CORIN: variants seen among roughly 807,000 people sequenced by gnomAD.
CORIN encodes corin, serine peptidase, also known as atrial natriuretic peptide-converting enzyme.
A neutral mutation model predicts 125.3 loss-of-function variants in CORIN; 117 were observed. That is an observed-to-expected ratio of 0.93 (90% CI 0.80 to 1.09). CORIN has a LOEUF of 1.09. Ranked by LOEUF, CORIN falls within the 50% of genes least tolerant of loss-of-function variation. CORIN has a pLI of 0.00. For synonymous variants in CORIN, 450 were observed against 466.4 expected (o/e 0.96, Z 0.45); for missense variants, 1,253 against 1,306.7 (o/e 0.96, Z 0.63).
chr4:47,637,288 T>C (rs1560483209), intron 16 of CORIN, among the ~76,000 whole-genome samples: 1 of 152,084 alleles, frequency 6.6e-6, no homozygotes, highest in Non-Finnish European at 1.5e-5. Context: ...GTTAGGAAAA[T>C]TTGCAGCGTG....
intron 5 of CORIN, among the ~76,000 whole-genome samples, chr4:47,741,716 T>C (rs1319539744): frequency 3.9e-5 from 6 of 152,024 alleles, no homozygotes; most frequent in Admixed American, 3.3e-4. Flanking sequence ...GGAGTATCAA[T>C]TGACAATAAA....
intron 4 of CORIN, among the ~76,000 whole-genome samples, chr4:47,752,367 C>T (rs1429942617): frequency 6.6e-6 from 1 of 152,142 alleles, no homozygotes; most frequent in Non-Finnish European, 1.5e-5. Flanking sequence ...TGTGCACAGT[C>T]AGCACTCCAT....
At chr4:47,717,268 A>G (rs1577857766) in intron 5 of CORIN, among the ~76,000 whole-genome samples, 1 of 152,140 alleles carries the variant, frequency 6.6e-6, no homozygotes, top group East Asian at 1.9e-4. Flanking sequence ...AATTTTACCA[A>G]TTGGTAAAAA....
intron 5 of CORIN, among the ~76,000 whole-genome samples, chr4:47,713,537 G>A (rs568155281): frequency 1.3e-5 from 2 of 152,256 alleles, no homozygotes; most frequent in African/African-American, 4.8e-5. Flanking sequence ...ATGCTCCAGG[G>A]TACTTTTGGT....
intron 3 of CORIN, among the ~76,000 whole-genome samples, chr4:47,784,940 A>C (rs1019585746): frequency 6.6e-6 from 1 of 152,196 alleles, no homozygotes; most frequent in Non-Finnish European, 1.5e-5. Context: ...TGGGTTGGAG[A>C]AATAGAATAA....
Position 47,763,584 on chromosome 4 carries a change from C to T in CORIN, c.412G>A (p.Ala138Thr). 1 of 1,613,802 alleles carries T rather than the reference C, an allele frequency of 6.2e-7. No homozygotes were observed. Among genetic ancestry groups the T allele is most frequent in the East Asian group, 2.2e-5 (1 of 44,884 alleles). ...PGDQSHRNTS[A>T]CMNITHSQCQ... ...TGGCTGTGGGTGATGTTCATACAGG[C>T]ACCTGGGAAGTAAAGACATGCACAT... Residue 138 changes from alanine (A) to threonine (T), a missense_variant and splice_region_variant, in exon 4 of 22, where the codon GCC becomes ACC. By Grantham distance (58) the Ala-to-Thr change is moderately conservative (BLOSUM62 0). Coordinates refer to ENST00000273857, the MANE Select transcript of CORIN (RefSeq NM_006587.4).
chr4:47,651,513 T>C (rs1263765538), intron 13 of CORIN, among the ~76,000 whole-genome samples: 3 of 152,220 alleles, frequency 2.0e-5, no homozygotes, highest in African/African-American at 7.2e-5. Context: ...AACAAGCCCA[T>C]TCAAATGCAT....
chr4:47,607,269 A>G (rs1721687519), intron 19 of CORIN, among the ~76,000 whole-genome samples: 2 of 151,992 alleles, frequency 1.3e-5, no homozygotes, highest in South Asian at 2.1e-4. Flanking sequence ...TTAGCCCGGC[A>G]TGGTGGCGGG....
At chr4:47,685,483 G>A (rs1375314705) in intron 6 of CORIN, among the ~76,000 whole-genome samples, 1 of 152,166 alleles carries the variant, frequency 6.6e-6, no homozygotes, top group East Asian at 1.9e-4. Flanking sequence ...AGAAATCTGA[G>A]AAGTAGTTAC....
At chr4:47,782,797 A>G (rs1039372518) in intron 3 of CORIN, among the ~76,000 whole-genome samples, 3 of 152,246 alleles carry the variant, frequency 2.0e-5, no homozygotes, top group Non-Finnish European at 2.9e-5. Flanking sequence ...AGGCAGATAC[A>G]AAGGACCACA....
intron 2 of CORIN, among the ~76,000 whole-genome samples, chr4:47,803,867 G>C (rs1031441928): frequency 2.0e-5 from 3 of 152,132 alleles, no homozygotes; most frequent in Non-Finnish European, 2.9e-5. Context: ...ATCCCATCAA[G>C]TTACAAAGCT....
intron 5 of CORIN, chr4:47,706,754 A>G: frequency 6.2e-7 from 1 of 1,600,622 alleles, no homozygotes; most frequent in Non-Finnish European, 8.5e-7. Flanking sequence ...TTCCACATAC[A>G]AATTTTTTGA....
chr4:47,734,029 T>C lies in CORIN; in HGVS notation c.799+10373A>G, dbSNP rs1728008741. On this transcript the variant is annotated intron_variant, in intron 5 of 21. Transcript: ENST00000273857. ...AGGGGGCTGTAGCGGCGGGTATTAA[T>C]AAGGATTAATAATCAAATCTCAAGA... Among the ~76,000 whole-genome samples the C allele has an allele frequency of 2.6e-5, 4 of 151,990 alleles. No individual in the cohort carries two copies. In the South Asian group the frequency reaches 6.2e-4, roughly 24 times the overall value.
intron 12 of CORIN, among the ~76,000 whole-genome samples, chr4:47,654,730 A>C (rs1723887347): frequency 6.6e-6 from 1 of 152,162 alleles, no homozygotes; most frequent in South Asian, 2.1e-4. Context: ...TAAACTTGAA[A>C]GGCAGTCTAG....
At chr4:47,756,710 A>G (rs965511605) in intron 4 of CORIN, among the ~76,000 whole-genome samples, 1 of 152,196 alleles carries the variant, frequency 6.6e-6, no homozygotes, top group African/African-American at 2.4e-5. Context: ...TGGCAAATCA[A>G]TATGTCAGAG....
rs1346840651 is a variant in CORIN, at chr4:47,595,874, C to G, written c.2976G>C (p.Glu992Asp). 1 of 1,611,312 alleles carries G rather than the reference C, an allele frequency of 6.2e-7. No homozygotes were observed. Among genetic ancestry groups the G allele is most frequent in the East Asian group, 2.2e-5 (1 of 44,854 alleles). ...ATAATGTCCACCGTCCTCCAGGCTT[C>G]TCACAAACAAGAGGCCCACCGCTGT... ...MGDSGGPLVC[E>D]KPGGRWTLFG... The change falls in exon 22 of 22, where the codon GAG (glutamate) becomes GAC (aspartate). Residue 992 changes from glutamate to aspartate, a missense_variant. Physicochemically the swap from Glu to Asp is conservative, Grantham distance 45 (BLOSUM62 2). Coordinates refer to ENST00000273857, the MANE Select transcript of CORIN (RefSeq NM_006587.4).
At chr4:47,695,787 TA>T (rs1432361664) in intron 5 of CORIN, among the ~76,000 whole-genome samples, 4 of 152,260 alleles carry the variant, frequency 2.6e-5, no homozygotes, top group African/African-American at 9.6e-5. Context: ...TTTACTTGTA[TA>T]AAACTGTTCA....
At chr4:47,749,854 C>CTG (rs1171977966) in intron 4 of CORIN, among the ~76,000 whole-genome samples, 4 of 152,148 alleles carry the variant, frequency 2.6e-5, no homozygotes, top group Non-Finnish European at 4.4e-5. Flanking sequence ...CAGGCACCTC[C>CTG]CAGAGCTGCA....
intron 2 of CORIN, among the ~76,000 whole-genome samples, chr4:47,796,115 G>A (rs1396062240): frequency 1.3e-5 from 2 of 152,008 alleles, no homozygotes; most frequent in African/African-American, 4.8e-5. Context: ...CCACTTCTGG[G>A]TATACATCCA....
Sources: gnomAD v4.1 joint callset for allele counts (sites outside exome capture counted in the v4.1 genomes callset) on GRCh38, gnomAD v4.1.1 for gene constraint, MANE v1.5 for transcripts, NCBI Gene and HGNC (gene_info 2026-07-23, HGNC 2026-07-21) for gene names.